The following FSTL4 variants were observed in gnomAD, a reference collection of about 807,000 sequenced individuals.
The protein encoded by FSTL4 is follistatin-related protein 4.
A neutral mutation model predicts 78.2 loss-of-function variants in FSTL4; 28 were observed. That is an observed-to-expected ratio of 0.36 (90% CI 0.27 to 0.49). The LOEUF (loss-of-function observed/expected upper bound fraction) is 0.49, where lower values mean the gene tolerates loss of function less well. FSTL4 is among the 20% of genes least tolerant of loss of function. The pLI is 0.98. For missense variants in FSTL4, 922 were observed against 1,084.9 expected, an observed-to-expected ratio of 0.85 and a Z score of 2.11; for synonymous variants, 422 against 440.5, an observed-to-expected ratio of 0.96 and a Z score of 0.53.
chr5:133,559,824 T>C (rs897274032), intron 3 of FSTL4, among the ~76,000 whole-genome samples: 3 of 152,180 alleles, frequency 2.0e-5, no homozygotes, highest in Non-Finnish European at 4.4e-5. Context: ...AGGAGCTCTC[T>C]GAGGATGGTA....
intron 3 of FSTL4, among the ~76,000 whole-genome samples, chr5:133,430,212 A>C (rs1055351359): frequency 3.3e-5 from 5 of 152,106 alleles, no homozygotes; most frequent in African/African-American, 1.2e-4. Flanking sequence ...TTGTAGAAAA[A>C]CCAATTTAGT....
chr5:133,293,743 G>C (rs1018438631), intron 6 of FSTL4, among the ~76,000 whole-genome samples: 2 of 152,204 alleles, frequency 1.3e-5, no homozygotes, highest in African/African-American at 4.8e-5. Flanking sequence ...AGGTGTCCGA[G>C]TCCCCATGTC....
chr5:133,498,195 C>G (rs536768139), intron 3 of FSTL4, among the ~76,000 whole-genome samples: 2 of 152,312 alleles, frequency 1.3e-5, no homozygotes, highest in Admixed American at 1.3e-4. Context: ...TCTCCAAGCT[C>G]TTCTCCTTAG....
chr5:133,685,013 A>G, the FSTL4 span, among the ~76,000 whole-genome samples: 1 of 152,232 alleles, frequency 6.6e-6, no homozygotes, highest in Non-Finnish European at 1.5e-5. Flanking sequence ...AACAGCCTAT[A>G]AATTCTTCTC....
At chr5:133,553,363 T>A (rs576420756) in intron 3 of FSTL4, among the ~76,000 whole-genome samples, 5 of 152,318 alleles carry the variant, frequency 3.3e-5, no homozygotes, top group African/African-American at 1.2e-4. Flanking sequence ...TTTCAAGGAC[T>A]GTCCATTTAG....
At chr5:133,553,149 G>A (rs1759722843) in intron 3 of FSTL4, among the ~76,000 whole-genome samples, 1 of 152,124 alleles carries the variant, frequency 6.6e-6, no homozygotes. Flanking sequence ...CGCGGTACCC[G>A]GAACCCACAG....
At chr5:133,817,648 GGAA>G in the FSTL4 span, among the ~76,000 whole-genome samples, 1 of 152,180 alleles carries the variant, frequency 6.6e-6, no homozygotes, top group African/African-American at 2.4e-5. Flanking sequence ...AAGAGAATGA[GGAA>G]GAAGGAAGGC....
At chr5:133,294,987 C>T (rs991194244) in intron 6 of FSTL4, among the ~76,000 whole-genome samples, 67 of 152,276 alleles carry the variant, frequency 4.4e-4, no homozygotes, top group African/African-American at 1.5e-3. Context: ...GCTGGGGAAA[C>T]GGCCACCCTG....
At chr5:133,572,969 G>A (rs1456555273) in intron 2 of FSTL4, among the ~76,000 whole-genome samples, 2 of 152,082 alleles carry the variant, frequency 1.3e-5, no homozygotes, top group Non-Finnish European at 2.9e-5. Flanking sequence ...ATTGGGCTGG[G>A]CGAGGTGACT....
Position 133,316,606 on chromosome 5 carries a change from A to G in FSTL4, c.456T>C (p.Leu152=), listed in dbSNP as rs1360704869. 6.2e-7 allele frequency: 1 copy of G among 1,614,076 alleles called. No homozygotes were observed. Among genetic ancestry groups the G allele is most frequent in the South Asian group, 1.1e-5 (1 of 91,070 alleles). ...MAGYARLKNV[L]LALQTRLQPL... is the part of the protein sequence containing the mutation. ...GCTGCAGACGGGTCTGGAGTGCCAG[A>G]AGGACATTCTTCAAGCGGGCGTAGC... The change falls in exon 5 of 16, where the codon CTT becomes CTC. Residue 152 remains leucine (L), a synonymous_variant. Transcript: ENST00000265342.
intron 3 of FSTL4, among the ~76,000 whole-genome samples, chr5:133,550,811 T>C (rs1759677643): frequency 6.6e-6 from 1 of 151,982 alleles, no homozygotes; most frequent in Admixed American, 6.6e-5. Flanking sequence ...GTAATAAGAG[T>C]AGGATAAAGT....
the FSTL4 span, among the ~76,000 whole-genome samples, chr5:133,820,348 G>A: frequency 2.0e-5 from 3 of 152,204 alleles, no homozygotes; most frequent in South Asian, 2.1e-4. Flanking sequence ...CATTTGTGAC[G>A]TTTATGGAAC....
At chr5:133,470,491 T>C (rs1757797848) in intron 3 of FSTL4, among the ~76,000 whole-genome samples, 1 of 152,162 alleles carries the variant, frequency 6.6e-6, no homozygotes, top group Non-Finnish European at 1.5e-5. Context: ...ACGCCTGTAA[T>C]TGCAGCATTT....
In FSTL4 at chr5:133,343,134, C is replaced by T. The variant is rs114575905; in HGVS notation, c.410-26482G>A. 3.6e-3 allele frequency among the ~76,000 whole-genome samples: 544 copies of T among 152,322 alleles called. 6 individuals carry two copies. The highest frequency in any genetic ancestry group is 0.012 in the African/African-American group (519 of 41,562). On this transcript the variant is annotated intron_variant, in intron 4 of 15. Coordinates refer to ENST00000265342, the MANE Select transcript of FSTL4 (RefSeq NM_015082.2). ...TGCATCATCACAAGGGCTCAGGCCA[C>T]TTGTCCTGGAAAACTTTTTTATTTC...
chr5:133,417,883 C>T (rs1318531065), intron 3 of FSTL4, among the ~76,000 whole-genome samples: 3 of 146,602 alleles, frequency 2.0e-5, no homozygotes, highest in African/African-American at 7.7e-5. Context: ...CTCTTGAACC[C>T]GGGAGGCGGA....
At chr5:133,784,597 C>T in the FSTL4 span, among the ~76,000 whole-genome samples, 1 of 152,144 alleles carries the variant, frequency 6.6e-6, no homozygotes. Context: ...GGGATATGAT[C>T]TCTGTGTGAA....
intron 6 of FSTL4, among the ~76,000 whole-genome samples, chr5:133,282,679 G>A (rs1753037170): frequency 6.6e-6 from 1 of 152,110 alleles, no homozygotes. Context: ...CCTGAACAGA[G>A]ACCTGAGTTG....
chr5:133,269,526 C>T (rs780312213), intron 6 of FSTL4, among the ~76,000 whole-genome samples: 1 of 152,186 alleles, frequency 6.6e-6, no homozygotes, highest in Admixed American at 6.5e-5. Flanking sequence ...GAGGAACATC[C>T]GTGTCTCAGG....
chr5:133,838,055 T>C, the FSTL4 span, among the ~76,000 whole-genome samples: 13 of 152,240 alleles, frequency 8.5e-5, no homozygotes, highest in African/African-American at 3.1e-4. Context: ...ACCCAGCTAA[T>C]TTTTGCATTT....
Sources: gnomAD v4.1 joint callset for allele counts (sites outside exome capture counted in the v4.1 genomes callset) on GRCh38, gnomAD v4.1.1 for gene constraint, MANE v1.5 for transcripts, NCBI Gene and HGNC (gene_info 2026-07-23, HGNC 2026-07-21) for gene names.